ABHD12: variants seen among roughly 807,000 people sequenced by gnomAD.
ABHD12 encodes the protein lysophosphatidylserine lipase ABHD12.
A neutral mutation model predicts 58.3 loss-of-function variants in ABHD12; 43 were observed. The observed-to-expected ratio is 0.74, with a 90% CI of 0.58 to 0.95. ABHD12 has a LOEUF of 0.95. ABHD12 is among the 40% of genes least tolerant of loss of function. The probability of loss-of-function intolerance (pLI) is 0.00; values close to 1 mark genes in which losing one functional copy is unlikely to be tolerated. For synonymous variants in ABHD12, 219 were observed against 211.2 expected, an observed-to-expected ratio of 1.04 and a Z score of -0.32; for missense variants, 539 against 537.2, an observed-to-expected ratio of 1.00 and a Z score of -0.03.
Position 25,346,038 on chromosome 20 carries a change from A to G in ABHD12, c.192-6687T>C, listed in dbSNP as rs1487072269. Among the ~76,000 whole-genome samples the G allele has an allele frequency of 9.8e-5, 15 of 152,288 alleles. No individual in the cohort carries two copies. The East Asian group carries it at 2.9e-3, about 29-fold the overall frequency. On this transcript the variant is annotated intron_variant, in intron 1 of 12. Transcript: ENST00000339157. ...ACTGCCAAGAGTCTGGCAGTTATTA[A>G]TAAATATAAGATAACCAAGGTAAGA...
At chr20:25,362,708 CTT>C (rs1018783451) in intron 1 of ABHD12, among the ~76,000 whole-genome samples, 11 of 150,370 alleles carry the variant, frequency 7.3e-5, no homozygotes, top group Admixed American at 2.7e-4. Context: ...GAGTTTCGCT[CTT>C]GTTGCCCAGG....
chr20:25,299,282 A>T (rs143739035), downstream of ABHD12, among the ~76,000 whole-genome samples: 593 of 152,206 alleles, frequency 3.9e-3, 3 homozygotes, highest in South Asian at 4.6e-3. Flanking sequence ...CTGTAGTCCC[A>T]CCTACTTGGG....
intron 11 of ABHD12, 103 bp downstream of exon 11, chr20:25,303,447 A>G: frequency 6.5e-7 from 1 of 1,549,400 alleles, no homozygotes; most frequent in Non-Finnish European, 8.7e-7. Context: ...GTGATGCAGC[A>G]TGCAGGGGCT....
intron 1 of ABHD12, among the ~76,000 whole-genome samples, chr20:25,378,886 C>T (rs918791067): frequency 6.6e-6 from 1 of 152,090 alleles, no homozygotes; most frequent in Non-Finnish European, 1.5e-5. Context: ...CTGCCCTCTG[C>T]TCTCATTATG....
At chr20:25,355,348 G>GA (rs199741382) in intron 1 of ABHD12, among the ~76,000 whole-genome samples, 9 of 150,666 alleles carry the variant, frequency 6.0e-5, no homozygotes, top group East Asian at 1.9e-4. Context: ...GGGCAATATA[G>GA]AAAAAAAAAG....
At chr20:25,331,764 G>T (rs199753242) in intron 2 of ABHD12, among the ~76,000 whole-genome samples, 1 of 151,964 alleles carries the variant, frequency 6.6e-6, no homozygotes, top group Non-Finnish European at 1.5e-5. Context: ...CTGAGAGATT[G>T]TGTCACCACC....
rs2089461741 is a variant in ABHD12, at chr20:25,342,100, T to C, written c.192-2749A>G. ...CCTGGGCAACAACAGTGAAACTCTG[T>C]CTCAAAAAAAAAAAAAAAAAAAAAA... On this transcript the variant is annotated intron_variant, in intron 1 of 12. Coordinates refer to ENST00000339157, the MANE Select transcript of ABHD12 (RefSeq NM_001042472.3). Among the ~76,000 whole-genome samples the C allele has an allele frequency of 6.8e-5, 6 of 88,552 alleles. No individual in the cohort carries two copies. The South Asian group carries it at 2.7e-3, about 39-fold the overall frequency. The allele number at this position is 88,552 out of a possible 152,430, so 58.1% of individuals were successfully genotyped here.
chr20:25,380,666 C>A (rs137989591), intron 1 of ABHD12, among the ~76,000 whole-genome samples: 4 of 152,258 alleles, frequency 2.6e-5, no homozygotes, highest in Non-Finnish European at 5.9e-5. Flanking sequence ...CTGCAACAGG[C>A]CTTCTTTAGG....
intron 1 of ABHD12, among the ~76,000 whole-genome samples, chr20:25,348,815 G>A (rs933193174): frequency 6.6e-6 from 1 of 152,076 alleles, no homozygotes; most frequent in African/African-American, 2.4e-5. Context: ...GGTTGCGGTG[G>A]CTCACGTCTG....
chr20:25,370,442 C>G (rs558495174), intron 1 of ABHD12, among the ~76,000 whole-genome samples: 25 of 152,314 alleles, frequency 1.6e-4, no homozygotes, highest in Admixed American at 1.3e-3. Context: ...TCAGGCACAG[C>G]CGCAGAGTCA....
chr20:25,300,596 C>G lies in ABHD12; in HGVS notation c.*249G>C, dbSNP rs1203121565. On this transcript the variant is annotated 3_prime_UTR_variant, in exon 13 of 13. Coordinates refer to ENST00000339157, the MANE Select transcript of ABHD12 (RefSeq NM_001042472.3). The stretch of plus-strand genomic sequence containing the variant: ...GCCATTAAGTCTCCCAACAAGATCT[C>G]AGGTTGAGGGGCGGCAAGGAGAGCC... 36 of 1,436,740 alleles carry G rather than the reference C, an allele frequency of 2.5e-5. No homozygotes were observed. The highest frequency in any genetic ancestry group is 3.2e-5 in the Non-Finnish European group (35 of 1,100,494). The allele number at this position is 1,436,740 out of a possible 1,614,324, so 89.0% of individuals were successfully genotyped here. A position where few individuals can be genotyped will look rare whatever the true frequency, so the allele number is the denominator to read the frequency against.
At chr20:25,357,424 A>G (rs2089682941) in intron 1 of ABHD12, among the ~76,000 whole-genome samples, 1 of 152,156 alleles carries the variant, frequency 6.6e-6, no homozygotes, top group Admixed American at 6.5e-5. Flanking sequence ...TCAATACTCT[A>G]TCACCAGTGC....
chr20:25,322,265 A>G (rs1389577000), intron 3 of ABHD12, among the ~76,000 whole-genome samples: 1 of 150,916 alleles, frequency 6.6e-6, no homozygotes, highest in Non-Finnish European at 1.5e-5. Flanking sequence ...GTAAATACTC[A>G]GAAGACAGCC....
chr20:25,356,825 G>A (rs888354676), intron 1 of ABHD12, among the ~76,000 whole-genome samples: 10 of 152,134 alleles, frequency 6.6e-5, no homozygotes, highest in Admixed American at 1.3e-4. Flanking sequence ...CAGGCATCTC[G>A]AATGAGGACT....
chr20:25,350,996 CACACACACACACA>C (rs2089592612), intron 1 of ABHD12, among the ~76,000 whole-genome samples: 1 of 103,462 alleles, frequency 9.7e-6, no homozygotes, highest in Non-Finnish European at 2.2e-5. Context: ...CACACACACA[CACACACACACACA>C]CCCTTATTAA....
intron 10 of ABHD12, among the ~76,000 whole-genome samples, chr20:25,304,528 G>A (rs2088699244): frequency 6.6e-6 from 1 of 152,200 alleles, no homozygotes. Context: ...AAGGCCAAAG[G>A]CAGCTTCAGG....
rs776404400 is a variant in ABHD12 at position 25,302,321 on chromosome 20, C to T, written c.1055G>A (p.Arg352Gln). The T allele has an allele frequency of 6.8e-6, 11 of 1,613,464 alleles. No individual in the cohort carries two copies. Among genetic ancestry groups the T allele is most frequent in the Middle Eastern group, 3.5e-4 (2 of 5,718 alleles). Reference protein sequence around the residue: ...RKLYSIAAPARSFRDFKVQFV... With the variant: ...RKLYSIAAPAQSFRDFKVQFV... ...CTGAACTTTGAAATCTCGGAAGCTTCGAGCTGGTGCGGCGATGCTATAGAG... is the reference window on the plus strand; with the variant it reads ...CTGAACTTTGAAATCTCGGAAGCTTTGAGCTGGTGCGGCGATGCTATAGAG... The change falls in exon 12 of 13, where the codon CGA becomes CAA. Residue 352 changes from arginine to glutamine, a missense_variant. Arg to Gln is a conservative substitution (Grantham distance 43). Transcript: ENST00000339157.
At chr20:25,306,017 A>T (rs1243745652) in intron 10 of ABHD12, among the ~76,000 whole-genome samples, 1 of 152,016 alleles carries the variant, frequency 6.6e-6, no homozygotes, top group Non-Finnish European at 1.5e-5. Flanking sequence ...ATACAAAAAA[A>T]TTAGTGGGGC....
intron 1 of ABHD12, among the ~76,000 whole-genome samples, chr20:25,344,972 T>G (rs780575856): frequency 9.2e-5 from 14 of 151,792 alleles, no homozygotes; most frequent in Non-Finnish European, 1.8e-4. Context: ...CTGATACCCT[T>G]CACAAAAATA....
Sources: gnomAD v4.1 joint callset for allele counts (sites outside exome capture counted in the v4.1 genomes callset) on GRCh38, gnomAD v4.1.1 for gene constraint, MANE v1.5 for transcripts, NCBI Gene and HGNC (gene_info 2026-07-23, HGNC 2026-07-21) for gene names.